The following FRMPD4 variants were observed in gnomAD, a reference collection of about 807,000 sequenced individuals.
The protein encoded by FRMPD4 is FERM and PDZ domain-containing protein 4.
Under a neutral mutation model 94.1 loss-of-function variants are expected in FRMPD4, and 22 were observed. The ratio of observed to expected loss-of-function variants is 0.23; its 90% CI spans 0.17 to 0.33. FRMPD4 has a LOEUF of 0.33. Among genes scored for constraint, FRMPD4 ranks in the 10% least tolerant of loss-of-function variants. FRMPD4 has a pLI of 1.00. For synonymous variants in FRMPD4, 631 were observed against 548.6 expected (o/e 1.15, Z -2.10); for missense variants, 1,111 against 1,339.9 (o/e 0.83, Z 2.67).
chrX:12,585,983 A>G (rs191590998), intron 2 of FRMPD4, among the ~76,000 whole-genome samples: 1 of 112,819 alleles, frequency 8.9e-6, no homozygotes. Context: ...GACTCTTGAA[A>G]TAGATCGATA....
chrX:12,177,784 C>T (rs2056312656), intron 1 of FRMPD4, among the ~76,000 whole-genome samples: 1 of 111,925 alleles, frequency 8.9e-6, no homozygotes, highest in Non-Finnish European at 1.9e-5. Context: ...AATCCTGGCC[C>T]TTGTAGCACT....
At chrX:12,442,670 T>G (rs57713569) in intron 1 of FRMPD4, among the ~76,000 whole-genome samples, 21,980 of 111,092 alleles carry the variant, frequency 0.2, 1,720 homozygotes, top group South Asian at 0.27. Context: ...ACAGTCTGAC[T>G]GGCTGTTCCT....
At chrX:11,845,935 C>A (rs1167986696) in intron 1 of FRMPD4, among the ~76,000 whole-genome samples, 2 of 106,771 alleles carry the variant, frequency 1.9e-5, no homozygotes, top group Non-Finnish European at 3.9e-5. Flanking sequence ...ACTGAATGGG[C>A]AAAAACTGGA....
intron 1 of FRMPD4, among the ~76,000 whole-genome samples, chrX:12,161,266 C>A (rs2056021685): frequency 9.0e-6 from 1 of 111,320 alleles, no homozygotes; most frequent in African/African-American, 3.3e-5. Flanking sequence ...TCAAGCCATT[C>A]TCCCGCCTCA....
intron 3 of FRMPD4, among the ~76,000 whole-genome samples, chrX:12,084,843 A>G (rs1435681405): frequency 1.8e-5 from 2 of 112,474 alleles, no homozygotes; most frequent in African/African-American, 6.5e-5. Flanking sequence ...ACAGGAGAAT[A>G]TGCACATTGA....
chrX:12,233,013 A>G (rs755266314), intron 1 of FRMPD4, among the ~76,000 whole-genome samples: 1 of 111,898 alleles, frequency 8.9e-6, no homozygotes, highest in East Asian at 2.8e-4. Context: ...CCTAAATTCT[A>G]TGTTGCCTTA....
At chrX:12,634,641 C>A (rs1375845709) in intron 4 of FRMPD4, among the ~76,000 whole-genome samples, 1 of 110,983 alleles carries the variant, frequency 9.0e-6, no homozygotes, top group Non-Finnish European at 1.9e-5. Flanking sequence ...GAGAAAGCTT[C>A]TAAAAGTGTG....
In FRMPD4 at chrX:12,717,031, G is replaced by C; in HGVS notation, c.2572G>C (p.Glu858Gln). The C allele has an allele frequency of 1.7e-6, 2 of 1,209,511 alleles. No homozygotes were observed. The highest frequency in any genetic ancestry group is 2.2e-6 in the Non-Finnish European group (2 of 893,116). Residue 858 changes from glutamate (E) to glutamine (Q), a missense_variant, in exon 15 of 17, where the codon GAA (glutamate) becomes CAA (glutamine). Transcript: ENST00000675598. ...CATTGACGCTGTGCCCACCAGCGCC[G>C]AAGGCAAGTGTGAGAAGGGACTGGA... Reference protein sequence around the residue: ...SLIDAVPTSAEGKCEKGLDNA... With the variant: ...SLIDAVPTSAQGKCEKGLDNA...
At chrX:12,538,026 G>A (rs1375906835) in intron 2 of FRMPD4, among the ~76,000 whole-genome samples, 3 of 111,061 alleles carry the variant, frequency 2.7e-5, no homozygotes, top group Admixed American at 9.6e-5. Context: ...AAAGCAGGTC[G>A]AGGCATCACC....
chrX:12,417,856 T>C (rs1195058561), intron 1 of FRMPD4, among the ~76,000 whole-genome samples: 2 of 106,865 alleles, frequency 1.9e-5, no homozygotes, highest in Non-Finnish European at 3.9e-5. Context: ...TAGCCGGGCG[T>C]GGTGGTGGGC....
intron 1 of FRMPD4, among the ~76,000 whole-genome samples, chrX:12,153,622 G>T (rs1469853872): frequency 8.9e-6 from 1 of 112,430 alleles, no homozygotes; most frequent in Non-Finnish European, 1.9e-5. Context: ...AAAAAGGCTA[G>T]CTATTATAGG....
chrX:12,669,058 T>G (rs780512865), intron 4 of FRMPD4, among the ~76,000 whole-genome samples: 4 of 112,083 alleles, frequency 3.6e-5, no homozygotes, highest in Non-Finnish European at 5.6e-5. Context: ...GGCCTGTGAC[T>G]TGCTTTCTAA....
chrX:12,186,886 A>G (rs1390824436), intron 1 of FRMPD4, among the ~76,000 whole-genome samples: 1 of 111,813 alleles, frequency 8.9e-6, no homozygotes, highest in Non-Finnish European at 1.9e-5. Flanking sequence ...ATCTTCTTGT[A>G]TTTCCTATAA....
intron 1 of FRMPD4, among the ~76,000 whole-genome samples, chrX:12,392,204 C>A (rs1319555727): frequency 1.9e-5 from 2 of 107,191 alleles, no homozygotes; most frequent in Non-Finnish European, 3.9e-5. Flanking sequence ...CCATGCCTGG[C>A]TAATTTTTGT....
chrX:12,698,302 T>C lies in FRMPD4; in HGVS notation c.934-3572T>C, dbSNP rs1448113705. 3.6e-5 allele frequency among the ~76,000 whole-genome samples: 4 copies of C among 111,784 alleles called. No homozygotes were observed. In the East Asian group the frequency reaches 1.1e-3, roughly 31 times the overall value. The stretch of plus-strand genomic sequence containing the variant: ...ATATATTAACAATAAATGCTAATAG[T>C]CCAGATTGTTCAAATTTATCATTAC... On this transcript the variant is annotated intron_variant, in intron 9 of 16. Coordinates refer to ENST00000675598, the MANE Select transcript of FRMPD4 (RefSeq NM_001368397.1).
chrX:12,293,299 C>T (rs1345538351), intron 1 of FRMPD4, among the ~76,000 whole-genome samples: 2 of 111,740 alleles, frequency 1.8e-5, no homozygotes, highest in South Asian at 3.8e-4. Context: ...AAATTATTGC[C>T]GGGAGAAGGG....
chrX:12,101,426 C>T (rs1002480192), intron 3 of FRMPD4, among the ~76,000 whole-genome samples: 1 of 111,625 alleles, frequency 9.0e-6, no homozygotes, highest in African/African-American at 3.3e-5. Flanking sequence ...CCTAGTCCTA[C>T]TCTCTGAAGC....
chrX:12,363,880 A>G (rs945401598), intron 1 of FRMPD4, among the ~76,000 whole-genome samples: 1 of 111,410 alleles, frequency 9.0e-6, no homozygotes, highest in Non-Finnish European at 1.9e-5. Context: ...TGATGGCCCT[A>G]GTGTTAGCAC....
chrX:12,363,613 C>T (rs1310890912), intron 1 of FRMPD4, among the ~76,000 whole-genome samples: 1 of 112,675 alleles, frequency 8.9e-6, no homozygotes, highest in Non-Finnish European at 1.9e-5. Context: ...ATTTCCATGG[C>T]CCATACTGCC....
Sources: gnomAD v4.1 joint callset for allele counts (sites outside exome capture counted in the v4.1 genomes callset) on GRCh38, gnomAD v4.1.1 for gene constraint, MANE v1.5 for transcripts, NCBI Gene and HGNC (gene_info 2026-07-23, HGNC 2026-07-21) for gene names.